USH2A: variants seen among roughly 807,000 people sequenced by gnomAD.
USH2A encodes usherin, also known as Usher syndrome 2A (autosomal recessive, mild).
Under a neutral mutation model 538.9 loss-of-function variants are expected in USH2A, and 443 were observed. The ratio of observed to expected loss-of-function variants is 0.82; its 90% CI spans 0.76 to 0.89. USH2A has a LOEUF of 0.89. USH2A is among the 40% of genes least tolerant of loss of function. The probability of loss-of-function intolerance (pLI) is 0.00; values close to 1 mark genes in which losing one functional copy is unlikely to be tolerated. For missense variants in USH2A, 6,633 were observed against 6,324.8 expected, an observed-to-expected ratio of 1.05 and a Z score of -1.65; for synonymous variants, 2,413 against 2,273.5, an observed-to-expected ratio of 1.06 and a Z score of -1.75.
At chr1:216,326,772 G>T (rs2037740662) in intron 5 of USH2A, among the ~76,000 whole-genome samples, 2 of 152,018 alleles carry the variant, frequency 1.3e-5, no homozygotes, top group East Asian at 3.9e-4. Context: ...AATTTACAAG[G>T]GCTAGTCTTC....
intron 29 of USH2A, among the ~76,000 whole-genome samples, 157 bp from the exon 30 acceptor site, chr1:216,070,449 CT>C (rs2031521524): frequency 6.6e-6 from 1 of 152,152 alleles, no homozygotes; most frequent in Admixed American, 6.5e-5. Context: ...TTTAATATGA[CT>C]GCACATCTTG....
chr1:216,214,442 T>C (rs909969554), intron 15 of USH2A, among the ~76,000 whole-genome samples: 3 of 151,704 alleles, frequency 2.0e-5, no homozygotes, highest in African/African-American at 7.3e-5. Context: ...GCCTATACAT[T>C]GCAAAAAGTC....
At chr1:215,962,331 A>G (rs765384374) in intron 37 of USH2A, among the ~76,000 whole-genome samples, 1 of 152,092 alleles carries the variant, frequency 6.6e-6, no homozygotes, top group Non-Finnish European at 1.5e-5. Flanking sequence ...TTTACTTGCA[A>G]AGTGTGAAAG....
intron 61 of USH2A, among the ~76,000 whole-genome samples, chr1:215,703,853 T>C (rs1409756124): frequency 1.6e-5 from 2 of 124,622 alleles, no homozygotes; most frequent in African/African-American, 5.5e-5. Flanking sequence ...CAGGTGCCAC[T>C]GGGGTATGGA....
chr1:216,141,565 TCTTTC>T (rs942709614), intron 21 of USH2A, among the ~76,000 whole-genome samples: 3 of 152,152 alleles, frequency 2.0e-5, no homozygotes, highest in African/African-American at 7.2e-5. Context: ...AACCAATGGG[TCTTTC>T]CTTGGTAACA....
intron 21 of USH2A, among the ~76,000 whole-genome samples, chr1:216,120,678 C>T (rs1463879239): frequency 6.6e-6 from 1 of 151,972 alleles, no homozygotes; most frequent in Non-Finnish European, 1.5e-5. Context: ...CGCACCCGGC[C>T]TCGTCTCCAC....
At chr1:216,395,891 T>C (rs1023875119) in intron 3 of USH2A, among the ~76,000 whole-genome samples, 5 of 152,136 alleles carry the variant, frequency 3.3e-5, no homozygotes, top group Admixed American at 2.0e-4. Flanking sequence ...CCCAAATCAA[T>C]TATCTATTCA....
At chr1:216,050,558 CT>C (rs112540733) in intron 30 of USH2A, among the ~76,000 whole-genome samples, 1 of 51,206 alleles carries the variant, frequency 2.0e-5, no homozygotes, top group African/African-American at 6.7e-5. Flanking sequence ...CAATTTGTAT[CT>C]TTTTCTTTCT....
At chr1:215,632,034 T>C (rs1049012453) in intron 70 of USH2A, among the ~76,000 whole-genome samples, 1 of 152,158 alleles carries the variant, frequency 6.6e-6, no homozygotes, top group Non-Finnish European at 1.5e-5. Flanking sequence ...CAAATCTTGC[T>C]GTGCATCAGA....
At chr1:216,078,631 A>G (rs1242675208) in intron 26 of USH2A, among the ~76,000 whole-genome samples, 1 of 152,172 alleles carries the variant, frequency 6.6e-6, no homozygotes, top group African/African-American at 2.4e-5. Flanking sequence ...ATGTAGACCT[A>G]AGGTTTACTT....
intron 9 of USH2A, among the ~76,000 whole-genome samples, chr1:216,308,408 C>T (rs1460686128): frequency 6.6e-6 from 1 of 151,396 alleles, no homozygotes. Flanking sequence ...TTATCACATT[C>T]TTTTTTTTTA....
chr1:215,944,938 T>C (rs1379196705), intron 37 of USH2A, among the ~76,000 whole-genome samples: 1 of 152,024 alleles, frequency 6.6e-6, no homozygotes, highest in Non-Finnish European at 1.5e-5. Flanking sequence ...GCAGTGTTAA[T>C]ATTACCTTGA....
chr1:216,255,901 C>T (rs574144709), intron 11 of USH2A, among the ~76,000 whole-genome samples: 1 of 152,202 alleles, frequency 6.6e-6, no homozygotes, highest in Non-Finnish European at 1.5e-5. Flanking sequence ...CATTTTGAAG[C>T]TCTGCTGTTG....
At chr1:215,933,779 A>G (rs1458975929) in intron 38 of USH2A, among the ~76,000 whole-genome samples, 1 of 151,978 alleles carries the variant, frequency 6.6e-6, no homozygotes, top group Non-Finnish European at 1.5e-5. Flanking sequence ...GCTACAGGGC[A>G]GATGCTGGAT....
chr1:216,129,080 G>T (rs918622678), intron 21 of USH2A, among the ~76,000 whole-genome samples: 3 of 151,882 alleles, frequency 2.0e-5, no homozygotes, highest in African/African-American at 7.3e-5. Flanking sequence ...GCAAACGACT[G>T]GATTTTATTC....
chr1:216,045,631 C>G (rs1049467909), intron 32 of USH2A, among the ~76,000 whole-genome samples: 4 of 152,184 alleles, frequency 2.6e-5, no homozygotes, highest in African/African-American at 9.7e-5. Flanking sequence ...CAACTGGACA[C>G]TGTGAGCCTG....
chr1:216,131,909 C>T (rs1415677638), intron 21 of USH2A, among the ~76,000 whole-genome samples: 2 of 151,854 alleles, frequency 1.3e-5, no homozygotes, highest in Admixed American at 1.3e-4. Flanking sequence ...TTCTTTAATC[C>T]TCCTAATAAT....
chr1:215,758,786 G>A, intron 57 of USH2A, 34 bp from the exon 58 acceptor site: 2 of 1,604,718 alleles, frequency 1.2e-6, no homozygotes, highest in Non-Finnish European at 1.7e-6. Flanking sequence ...TTGTGGTAAG[G>A]CCATGCACAA....
chr1:215,954,067 G>A (rs1666998935), intron 37 of USH2A, among the ~76,000 whole-genome samples: 1 of 152,142 alleles, frequency 6.6e-6, no homozygotes, highest in African/African-American at 2.4e-5. Context: ...GGAAACAACA[G>A]GTGCTGGAGA....
Sources: allele counts gnomAD v4.1 joint callset (sites outside exome capture counted in the v4.1 genomes callset), GRCh38; gene constraint gnomAD v4.1.1; transcripts MANE v1.5; gene names NCBI Gene and HGNC (gene_info 2026-07-23, HGNC 2026-07-21).